Variants in ENTREP2 observed in about 807,000 individuals in gnomAD.
The protein encoded by ENTREP2 is protein ENTREP2.
chr15:29,600,503 T>A, the ENTREP2 span, among the ~76,000 whole-genome samples: 4 of 152,090 alleles, frequency 2.6e-5, no homozygotes, highest in African/African-American at 9.7e-5. Context: ...TCATCATAGA[T>A]GTGATGATGA....
At chr15:29,126,474 T>C in the ENTREP2 span, 3 of 1,550,100 alleles carry the variant, frequency 1.9e-6, no homozygotes, top group Non-Finnish European at 2.6e-6. Context: ...ACCAGGAGGC[T>C]TGTGCTGTCA....
chr15:29,514,494 T>C, the ENTREP2 span, among the ~76,000 whole-genome samples: 3 of 152,336 alleles, frequency 2.0e-5, no homozygotes, highest in East Asian at 1.9e-4. Context: ...CTTTTGGCTA[T>C]TGTAAACAAG....
At chr15:29,410,378 C>A in the ENTREP2 span, among the ~76,000 whole-genome samples, 4 of 152,122 alleles carry the variant, frequency 2.6e-5, no homozygotes, top group African/African-American at 9.6e-5. Flanking sequence ...CACTGCAGGT[C>A]TCACTCCCCT....
chr15:29,354,435 T>C, the ENTREP2 span, among the ~76,000 whole-genome samples: 1 of 152,148 alleles, frequency 6.6e-6, no homozygotes, highest in South Asian at 2.1e-4. Flanking sequence ...GTCCTCCTAA[T>C]ACACTTTCCT....
At chr15:29,120,397 TGA>T in the ENTREP2 span, 2 of 152,320 alleles carry the variant, frequency 1.3e-5, no homozygotes, top group Admixed American at 6.5e-5. Context: ...TAGCAGCCTC[TGA>T]GAGTCAGCAT....
the ENTREP2 span, among the ~76,000 whole-genome samples, chr15:29,382,325 G>A: frequency 1.3e-5 from 2 of 150,900 alleles, no homozygotes; most frequent in East Asian, 2.0e-4. Flanking sequence ...CCCCACCCAC[G>A]GGCCACCTGG....
the ENTREP2 span, among the ~76,000 whole-genome samples, chr15:29,661,676 C>T: frequency 6.6e-6 from 1 of 152,180 alleles, no homozygotes; most frequent in African/African-American, 2.4e-5. Flanking sequence ...CATACACACA[C>T]ATTTACAAGC....
the ENTREP2 span, among the ~76,000 whole-genome samples, chr15:29,434,932 A>G: frequency 6.6e-6 from 1 of 152,186 alleles, no homozygotes; most frequent in Non-Finnish European, 1.5e-5. Context: ...CGAGTTTCTC[A>G]AAATGGGAGT....
the ENTREP2 span, among the ~76,000 whole-genome samples, chr15:29,250,698 T>C: frequency 1.3e-5 from 2 of 152,086 alleles, no homozygotes; most frequent in East Asian, 3.9e-4. Context: ...AAATGGCCAG[T>C]TCCTTGTAGG....
At chr15:29,571,210 C>T in the ENTREP2 span, among the ~76,000 whole-genome samples, 8 of 152,094 alleles carry the variant, frequency 5.3e-5, no homozygotes, top group East Asian at 1.6e-3. Flanking sequence ...CGCGCCCTGG[C>T]GGCTGCAGGT....
the ENTREP2 span, among the ~76,000 whole-genome samples, chr15:29,585,616 G>A: frequency 6.6e-6 from 1 of 152,150 alleles, no homozygotes; most frequent in African/African-American, 2.4e-5. Flanking sequence ...CAGAACTTTG[G>A]GAGGCCGAGG....
At chr15:29,652,985 C>T in the ENTREP2 span, among the ~76,000 whole-genome samples, 1 of 152,190 alleles carries the variant, frequency 6.6e-6, no homozygotes, top group East Asian at 1.9e-4. Flanking sequence ...CCAAAAGATC[C>T]CATAAGAAAG....
At chr15:29,141,174 AT>A in the ENTREP2 span, among the ~76,000 whole-genome samples, 2 of 152,194 alleles carry the variant, frequency 1.3e-5, no homozygotes, top group African/African-American at 4.8e-5. Context: ...ATTTCAGTCT[AT>A]CCACACAGCC....
the ENTREP2 span, among the ~76,000 whole-genome samples, chr15:29,371,901 AAAAT>A: frequency 1.3e-4 from 16 of 124,072 alleles, no homozygotes; most frequent in Middle Eastern, 4.1e-3. Context: ...AGAGAAGGCA[AAAAT>A]AAATAAATAG....
the ENTREP2 span, among the ~76,000 whole-genome samples, chr15:29,662,211 C>CAAAAAAAAAAAA: frequency 4.1e-4 from 19 of 46,862 alleles, no homozygotes; most frequent in Non-Finnish European, 5.1e-4. Flanking sequence ...AACCCTGTCG[C>CAAAAAAAAAAAA]AAAAAAAAAA....
chr15:29,548,453 T>TAA, the ENTREP2 span, among the ~76,000 whole-genome samples: 7 of 134,174 alleles, frequency 5.2e-5, no homozygotes, highest in Admixed American at 7.6e-5. Context: ...AGATTCTGCC[T>TAA]AAAAAAAAAA....
At chr15:29,572,522 TAA>T in the ENTREP2 span, among the ~76,000 whole-genome samples, 1 of 150,680 alleles carries the variant, frequency 6.6e-6, no homozygotes, top group Non-Finnish European at 1.5e-5. Flanking sequence ...CAAAAGTTCA[TAA>T]AGAGCTCTCT....
the ENTREP2 span, among the ~76,000 whole-genome samples, chr15:29,668,676 A>G: frequency 6.6e-6 from 1 of 152,170 alleles, no homozygotes; most frequent in African/African-American, 2.4e-5. Flanking sequence ...TGCTTTGTAC[A>G]TGCTGAACTG....
At chr15:29,458,181 G>C in the ENTREP2 span, among the ~76,000 whole-genome samples, 1 of 152,104 alleles carries the variant, frequency 6.6e-6, no homozygotes, top group East Asian at 1.9e-4. Context: ...CAAGAACCAG[G>C]AGCACCGATG....
Sources: gnomAD v4.1 joint callset for allele counts (sites outside exome capture counted in the v4.1 genomes callset) on GRCh38, gnomAD v4.1.1 for gene constraint, MANE v1.5 for transcripts, NCBI Gene and HGNC (gene_info 2026-07-23, HGNC 2026-07-21) for gene names.